Variants in FGD4 observed in about 807,000 individuals in gnomAD.
FGD4 encodes the protein FYVE, RhoGEF and PH domain-containing protein 4.
Under a neutral mutation model 102.0 loss-of-function variants are expected in FGD4, and 42 were observed. That is an observed-to-expected ratio of 0.41 (90% CI 0.32 to 0.53). FGD4 has a LOEUF of 0.53. Among genes scored for constraint, FGD4 ranks in the 20% least tolerant of loss-of-function variants. FGD4 has a pLI of 0.21. For missense variants in FGD4, 902 were observed against 1,078.2 expected (o/e 0.84, Z 2.29); for synonymous variants, 380 against 375.7 (o/e 1.01, Z -0.13).
intron 1 of FGD4, among the ~76,000 whole-genome samples, chr12:32,401,674 G>A (rs947635528): frequency 8.6e-5 from 13 of 151,660 alleles, no homozygotes; most frequent in African/African-American, 3.2e-4. Flanking sequence ...GGGAGTTGTG[G>A]CAGTCTACAA....
chr12:32,505,944 A>G (rs532659916), intron 1 of FGD4, among the ~76,000 whole-genome samples: 1 of 152,210 alleles, frequency 6.6e-6, no homozygotes, highest in Non-Finnish European at 1.5e-5. Context: ...CCTGTTATAC[A>G]TCCCTAGATG....
At position 32,466,594 on chromosome 12, in the gene FGD4, G is replaced by A. The variant is rs145167174; in HGVS notation, c.166+66635G>A. On this transcript the variant is annotated intron_variant, in intron 1 of 16. Transcript: ENST00000534526. ...ATAAAATTAGCAATCATGGCCGGGC[G>A]CGGTGGCTCACAGCTGAAATTCTAG... Among the ~76,000 whole-genome samples the A allele has an allele frequency of 1.1e-3, 161 of 152,120 alleles. 1 individual carries two copies. Among genetic ancestry groups the A allele is most frequent in the African/African-American group, 3.8e-3 (156 of 41,502 alleles).
intron 1 of FGD4, among the ~76,000 whole-genome samples, chr12:32,433,211 G>A (rs767243350): frequency 6.6e-6 from 1 of 152,126 alleles, no homozygotes; most frequent in Non-Finnish European, 1.5e-5. Flanking sequence ...TGGCCAAGCT[G>A]GAATCGAACT....
intron 1 of FGD4, among the ~76,000 whole-genome samples, chr12:32,459,772 C>T (rs981889674): frequency 2.6e-5 from 4 of 151,770 alleles, no homozygotes; most frequent in African/African-American, 9.7e-5. Context: ...GATGACAGCT[C>T]ACTGCAGCCT....
chr12:32,481,093 A>G (rs1326310929), intron 1 of FGD4, among the ~76,000 whole-genome samples: 1 of 128,074 alleles, frequency 7.8e-6, no homozygotes, highest in Non-Finnish European at 1.6e-5. Flanking sequence ...GTGCCACTGT[A>G]CTCCAGCCTG....
intron 1 of FGD4, among the ~76,000 whole-genome samples, chr12:32,469,301 CAG>C: frequency 6.6e-6 from 1 of 152,104 alleles, no homozygotes; most frequent in East Asian, 1.9e-4. Flanking sequence ...TTTATTGAGA[CAG>C]AGTCTTGCTC....
chr12:32,589,976 C>T (rs982908445), intron 4 of FGD4, among the ~76,000 whole-genome samples: 2 of 152,028 alleles, frequency 1.3e-5, no homozygotes, highest in Admixed American at 6.6e-5. Flanking sequence ...AGGATCATGC[C>T]GAGCTGACAG....
intron 1 of FGD4, among the ~76,000 whole-genome samples, chr12:32,499,557 G>A (rs1938033929): frequency 6.6e-6 from 1 of 151,838 alleles, no homozygotes; most frequent in South Asian, 2.1e-4. Flanking sequence ...CCAAGAACAT[G>A]GTGGAGTGAA....
chr12:32,447,384 C>T (rs1942648141), intron 1 of FGD4, among the ~76,000 whole-genome samples: 1 of 151,652 alleles, frequency 6.6e-6, no homozygotes, highest in South Asian at 2.1e-4. Flanking sequence ...ACCATTTTTA[C>T]ATTTCTCAGT....
chr12:32,635,482 A>G (rs925604252), intron 15 of FGD4, among the ~76,000 whole-genome samples: 2 of 152,236 alleles, frequency 1.3e-5, no homozygotes, highest in Non-Finnish European at 2.9e-5. Flanking sequence ...ACAAGTATGT[A>G]CATGGACACA....
chr12:32,522,210 T>C (rs180953066), intron 1 of FGD4, among the ~76,000 whole-genome samples: 2 of 152,334 alleles, frequency 1.3e-5, no homozygotes, highest in Non-Finnish European at 2.9e-5. Context: ...ACTTCTGAGA[T>C]TGTATTAAAA....
intron 1 of FGD4, among the ~76,000 whole-genome samples, chr12:32,520,061 A>G (rs1194378731): frequency 6.6e-6 from 1 of 152,240 alleles, no homozygotes; most frequent in East Asian, 1.9e-4. Context: ...TGCCAGAATA[A>G]TTTTGAGAAA....
chr12:32,610,880 T>C (rs1949093828), intron 9 of FGD4, 46 bp downstream of exon 9: 1 of 1,562,010 alleles, frequency 6.4e-7, no homozygotes, highest in Non-Finnish European at 8.8e-7. Context: ...TAGACAATTA[T>C]CAATAATACT....
At chr12:32,426,978 G>A (rs1329663477) in intron 1 of FGD4, among the ~76,000 whole-genome samples, 1 of 150,874 alleles carries the variant, frequency 6.6e-6, no homozygotes, top group East Asian at 1.9e-4. Context: ...AGTCTGGCTA[G>A]TGGTCTATTT....
chr12:32,638,630 CT>C, intron 15 of FGD4, 24 bp from the exon 16 acceptor site: 1 of 1,613,870 alleles, frequency 6.2e-7, no homozygotes, highest in Non-Finnish European at 8.5e-7. Flanking sequence ...TGTGTTCATT[CT>C]GTCTTTCCAT....
At chr12:32,594,579 A>G (rs779428346) in intron 4 of FGD4, among the ~76,000 whole-genome samples, 6 of 152,200 alleles carry the variant, frequency 3.9e-5, no homozygotes, top group Non-Finnish European at 7.3e-5. Flanking sequence ...AACCCAGTCA[A>G]TGGAAAAACT....
chr12:32,599,709 C>T (rs1163172280), intron 5 of FGD4, among the ~76,000 whole-genome samples: 4 of 150,296 alleles, frequency 2.7e-5, no homozygotes, highest in Non-Finnish European at 4.4e-5. Context: ...CACCCACGCC[C>T]GGCTAATTTT....
intron 1 of FGD4, among the ~76,000 whole-genome samples, chr12:32,409,443 C>T (rs1941106654): frequency 6.6e-6 from 1 of 152,068 alleles, no homozygotes; most frequent in African/African-American, 2.4e-5. Flanking sequence ...CGCCTGCCAC[C>T]ACACCTGGTT....
chr12:32,467,801 AG>A (rs1943303211), intron 1 of FGD4, among the ~76,000 whole-genome samples: 1 of 152,158 alleles, frequency 6.6e-6, no homozygotes, highest in Admixed American at 6.5e-5. Flanking sequence ...AGATCACCTG[AG>A]GTCAAGAGTT....
Sources: allele counts gnomAD v4.1 joint callset (sites outside exome capture counted in the v4.1 genomes callset), GRCh38; gene constraint gnomAD v4.1.1; transcripts MANE v1.5; gene names NCBI Gene and HGNC (gene_info 2026-07-23, HGNC 2026-07-21).